The following YWHAE variants were observed in gnomAD, a reference collection of about 807,000 sequenced individuals.
YWHAE encodes the protein tyrosine 3-monooxygenase/tryptophan 5-monooxygenase activation protein epsilon, also known as 14-3-3 protein epsilon.
YWHAE carries 4 observed loss-of-function variants against 30.1 expected under a neutral mutation model. The ratio of observed to expected loss-of-function variants is 0.13; its 90% CI spans 0.07 to 0.30. The LOEUF is 0.30. Among genes scored for constraint, YWHAE ranks in the 10% least tolerant of loss-of-function variants. The pLI is 1.00. For synonymous variants in YWHAE, 118 were observed against 111.8 expected, an observed-to-expected ratio of 1.06 and a Z score of -0.35; for missense variants, 121 against 315.9, an observed-to-expected ratio of 0.38 and a Z score of 4.68.
chr17:1,364,439 G>A (rs943628184), intron 2 of YWHAE, among the ~76,000 whole-genome samples: 1 of 152,062 alleles, frequency 6.6e-6, no homozygotes, highest in Non-Finnish European at 1.5e-5. Context: ...TGTTAGCCAG[G>A]ATGGTCTCGA....
intron 1 of YWHAE, among the ~76,000 whole-genome samples, chr17:1,396,042 C>T (rs956381656): frequency 2.6e-5 from 4 of 152,094 alleles, no homozygotes; most frequent in African/African-American, 4.8e-5. Flanking sequence ...TCGCTTGAAC[C>T]CAGGGGATGG....
intron 1 of YWHAE, among the ~76,000 whole-genome samples, chr17:1,375,341 A>G (rs2073106236): frequency 1.3e-5 from 2 of 151,936 alleles, no homozygotes; most frequent in Non-Finnish European, 2.9e-5. Context: ...TAGAGGATGA[A>G]CTCCAACCAT....
intron 1 of YWHAE, among the ~76,000 whole-genome samples, chr17:1,372,589 G>C (rs375568314): frequency 6.6e-6 from 1 of 152,118 alleles, no homozygotes; most frequent in Admixed American, 6.6e-5. Context: ...GCAATTGCAG[G>C]GTTGTTAATC....
chr17:1,348,520 G>C (rs1341119755), intron 5 of YWHAE, among the ~76,000 whole-genome samples: 1 of 152,148 alleles, frequency 6.6e-6, no homozygotes, highest in African/African-American at 2.4e-5. Context: ...TAAATGCAAA[G>C]TCACATCCTA....
At chr17:1,389,812 G>A (rs2073362464) in intron 1 of YWHAE, among the ~76,000 whole-genome samples, 1 of 151,628 alleles carries the variant, frequency 6.6e-6, no homozygotes, top group Admixed American at 6.6e-5. Context: ...TTACAGCCGT[G>A]AGCCACCGTA....
At chr17:1,376,338 A>G (rs1402191730) in intron 1 of YWHAE, among the ~76,000 whole-genome samples, 3 of 151,910 alleles carry the variant, frequency 2.0e-5, no homozygotes, top group African/African-American at 7.2e-5. Context: ...GAAGACAGAA[A>G]GACAGACAGA....
At chr17:1,366,823 T>A (rs2072952649) in intron 1 of YWHAE, among the ~76,000 whole-genome samples, 1 of 152,006 alleles carries the variant, frequency 6.6e-6, no homozygotes, top group South Asian at 2.1e-4. Flanking sequence ...ACGCTTGTAA[T>A]CCCAGCTACC....
chr17:1,394,524 G>T (rs2172434), intron 1 of YWHAE, among the ~76,000 whole-genome samples: 85,388 of 149,248 alleles, frequency 0.57, 27,123 homozygotes, highest in African/African-American at 0.85. Flanking sequence ...GAGGGTCACT[G>T]GAACTCAGGA....
chr17:1,365,506 G>A (rs2072928357), intron 1 of YWHAE, among the ~76,000 whole-genome samples: 1 of 152,134 alleles, frequency 6.6e-6, no homozygotes, highest in African/African-American at 2.4e-5. Context: ...AAAATATACG[G>A]AGTATATGGT....
intron 1 of YWHAE, among the ~76,000 whole-genome samples, chr17:1,370,868 C>T (rs1041652596): frequency 7.2e-5 from 11 of 151,834 alleles, no homozygotes; most frequent in African/African-American, 2.7e-4. Flanking sequence ...GGCATGGTGG[C>T]GGGCGCCTGT....
intron 5 of YWHAE, among the ~76,000 whole-genome samples, chr17:1,353,483 C>A (rs1176544836): frequency 1.3e-5 from 2 of 150,142 alleles, no homozygotes; most frequent in African/African-American, 4.9e-5. Flanking sequence ...ATAAAAACAG[C>A]AGGGCGCAGT....
intron 1 of YWHAE, among the ~76,000 whole-genome samples, chr17:1,389,529 CTTTCT>C (rs1188935226): frequency 1.3e-5 from 2 of 149,422 alleles, no homozygotes; most frequent in Admixed American, 6.7e-5. Flanking sequence ...TTTACGTTTT[CTTTCT>C]TTTTTTTTTT....
In YWHAE at chr17:1,344,998, C is replaced by A. The variant is rs534780118; in HGVS notation, c.*449G>T. On this transcript the variant is annotated 3_prime_UTR_variant, in exon 6 of 6. Coordinates refer to ENST00000264335, the MANE Select transcript of YWHAE (RefSeq NM_006761.5). Reference sequence around the variant, plus strand: ...GCTAACACCCAATTACTTGCAAACACTGGTATAAAACACAGTTTAAACAAT... The same window carrying A: ...GCTAACACCCAATTACTTGCAAACAATGGTATAAAACACAGTTTAAACAAT... 5 of 236,802 alleles carry A rather than the reference C, an allele frequency of 2.1e-5. No homozygotes were observed. The highest frequency in any genetic ancestry group is 3.5e-4 in the South Asian group (2 of 5,642). 14.7% of individuals were successfully genotyped at this position (236,802 alleles called of 1,614,324 possible).
intron 1 of YWHAE, among the ~76,000 whole-genome samples, chr17:1,375,839 TTC>T (rs2073114054): frequency 6.6e-6 from 1 of 152,238 alleles, no homozygotes. Context: ...TGTGGTTGTG[TTC>T]TTTCAACTAT....
intron 1 of YWHAE, among the ~76,000 whole-genome samples, chr17:1,389,110 C>A (rs2073351365): frequency 6.6e-6 from 1 of 152,030 alleles, no homozygotes; most frequent in African/African-American, 2.4e-5. Context: ...AGACTACAGA[C>A]ACATGCCACT....
intron 1 of YWHAE, among the ~76,000 whole-genome samples, chr17:1,365,516 T>G (rs562201147): frequency 4.6e-5 from 7 of 152,202 alleles, no homozygotes; most frequent in Admixed American, 6.5e-5. Context: ...GAGTATATGG[T>G]TGGCCACCAA....
intron 5 of YWHAE, among the ~76,000 whole-genome samples, chr17:1,350,770 A>T (rs185557479): frequency 0.015 from 2,311 of 151,618 alleles, 49 homozygotes; most frequent in African/African-American, 0.053. Flanking sequence ...ATAATAATAA[A>T]AAAAAATGGC....
chr17:1,368,417 A>G (rs2072979419), intron 1 of YWHAE, among the ~76,000 whole-genome samples: 1 of 151,598 alleles, frequency 6.6e-6, no homozygotes, highest in Admixed American at 6.6e-5. Flanking sequence ...TACAAAAATT[A>G]GCCAGGCATG....
At chr17:1,386,464 T>C (rs1355704634) in intron 1 of YWHAE, among the ~76,000 whole-genome samples, 1 of 152,232 alleles carries the variant, frequency 6.6e-6, no homozygotes, top group Non-Finnish European at 1.5e-5. Context: ...CCCAAGTGTC[T>C]AAAGTGTCTA....
Sources: allele counts gnomAD v4.1 joint callset (sites outside exome capture counted in the v4.1 genomes callset), GRCh38; gene constraint gnomAD v4.1.1; transcripts MANE v1.5; gene names NCBI Gene and HGNC (gene_info 2026-07-23, HGNC 2026-07-21).